The following PHC2 variants were observed in gnomAD, a reference collection of about 807,000 sequenced individuals.
The protein encoded by PHC2 is polyhomeotic homolog 2.
PHC2 carries 29 observed loss-of-function variants against 87.4 expected under a neutral mutation model. The ratio of observed to expected loss-of-function variants is 0.33; its 90% CI spans 0.25 to 0.45. PHC2 has a LOEUF of 0.45. Among genes scored for constraint, PHC2 ranks in the 20% least tolerant of loss-of-function variants. The probability of loss-of-function intolerance (pLI) is 1.00; values close to 1 mark genes in which losing one functional copy is unlikely to be tolerated. For synonymous variants in PHC2, 438 were observed against 461.7 expected (o/e 0.95, Z 0.66); for missense variants, 857 against 1,136.7 (o/e 0.75, Z 3.54).
chr1:33,422,941 CTTATTATGTACCTCACATTA>C (rs1162891693), intron 1 of PHC2, among the ~76,000 whole-genome samples: 1 of 151,976 alleles, frequency 6.6e-6, no homozygotes, highest in East Asian at 1.9e-4. Context: ...CTACACAATT[CTTATTATGTACCTCACATTA>C]TTAACCTGTT....
Position 33,370,564 on chromosome 1 carries a change from C to A in PHC2, c.433G>T (p.Ala145Ser). ...SSSINLAASPAAAQLLNRAQS... is the reference protein window; with the variant it reads ...SSSINLAASPSAAQLLNRAQS... Reference sequence around the variant, plus strand: ...GCCCGGTTGAGGAGCTGGGCTGCTGCTGGGGAGGCTGCCAGGTTGATCTAA... The same window carrying A: ...GCCCGGTTGAGGAGCTGGGCTGCTGATGGGGAGGCTGCCAGGTTGATCTAA... The change falls in exon 5 of 15, where the codon GCA becomes TCA. Residue 145 changes from alanine (A) to serine (S), a missense_variant. By Grantham distance (99) the Ala-to-Ser change is moderately conservative. Around this residue, in one of 3 missense-constraint regions of PHC2, gnomAD observed 832 missense variants for 1,081.8 expected, o/e 0.77. Coordinates refer to ENST00000683057, the MANE Select transcript of PHC2 (RefSeq NM_001385109.1). The A allele has an allele frequency of 6.2e-7, 1 of 1,613,178 alleles. No homozygotes were observed. The highest frequency in any genetic ancestry group is 8.5e-7 in the Non-Finnish European group (1 of 1,179,314).
chr1:33,392,185 A>ACACATG (rs1390301126), intron 1 of PHC2, among the ~76,000 whole-genome samples: 1 of 151,976 alleles, frequency 6.6e-6, no homozygotes, highest in Non-Finnish European at 1.5e-5. Context: ...ACACACACAC[A>ACACATG]CACATGCACA....
At chr1:33,385,167 A>G (rs1648677326) in intron 1 of PHC2, among the ~76,000 whole-genome samples, 1 of 152,208 alleles carries the variant, frequency 6.6e-6, no homozygotes, top group African/African-American at 2.4e-5. Flanking sequence ...AAGCAGATGT[A>G]GAAGGTCCTG....
intron 1 of PHC2, among the ~76,000 whole-genome samples, chr1:33,413,503 G>A (rs1166339621): frequency 6.6e-6 from 1 of 152,204 alleles, no homozygotes; most frequent in African/African-American, 2.4e-5. Context: ...AGGCAAAGTG[G>A]CTGGTGCAGG....
chr1:33,348,130 G>C (rs1436128675), intron 9 of PHC2, among the ~76,000 whole-genome samples: 2 of 152,174 alleles, frequency 1.3e-5, no homozygotes, highest in Non-Finnish European at 2.9e-5. Flanking sequence ...TAAGGTTCAA[G>C]ACAGCCTCTT....
intron 9 of PHC2, among the ~76,000 whole-genome samples, chr1:33,338,720 T>C (rs1415517018): frequency 1.3e-5 from 2 of 152,228 alleles, no homozygotes; most frequent in Non-Finnish European, 2.9e-5. Context: ...GGTTCCTTAC[T>C]CAATTCCCTT....
At chr1:33,389,123 G>A (rs906899786) in intron 1 of PHC2, among the ~76,000 whole-genome samples, 5 of 151,788 alleles carry the variant, frequency 3.3e-5, no homozygotes, top group Non-Finnish European at 7.4e-5. Flanking sequence ...GTTGGAAGAA[G>A]TGACAACCAG....
intron 1 of PHC2, among the ~76,000 whole-genome samples, chr1:33,426,060 C>T (rs1421391922): frequency 6.6e-6 from 1 of 152,086 alleles, no homozygotes; most frequent in Non-Finnish European, 1.5e-5. Flanking sequence ...TCAGAGAGAC[C>T]AGAAGTGAGA....
chr1:33,396,282 T>C (rs939746698), intron 1 of PHC2, among the ~76,000 whole-genome samples: 1 of 152,038 alleles, frequency 6.6e-6, no homozygotes, highest in Non-Finnish European at 1.5e-5. Context: ...GATCAGGTAT[T>C]TGGAGAGGGA....
At chr1:33,387,160 T>G (rs1035536211) in intron 1 of PHC2, among the ~76,000 whole-genome samples, 1 of 152,220 alleles carries the variant, frequency 6.6e-6, no homozygotes, top group Non-Finnish European at 1.5e-5. Flanking sequence ...ATCTTAGGCC[T>G]ACCAGTGGCC....
In PHC2 at chr1:33,376,195, C is replaced by T. The variant is rs182877199; in HGVS notation, c.-54-602G>A. 3.2e-3 allele frequency among the ~76,000 whole-genome samples: 480 copies of T among 152,324 alleles called. 1 individual carries two copies. The highest frequency in any genetic ancestry group is 0.011 in the African/African-American group (450 of 41,568). Reference sequence around the variant, plus strand: ...GATTACAGGCGACCACCACCACACCCAGCTAATTTTTGTATTTTTAGTAGA... The same window carrying T: ...GATTACAGGCGACCACCACCACACCTAGCTAATTTTTGTATTTTTAGTAGA... On this transcript the variant is annotated intron_variant, in intron 1 of 14. Coordinates refer to ENST00000683057, the MANE Select transcript of PHC2 (RefSeq NM_001385109.1).
chr1:33,421,413 G>A (rs1650430754), intron 1 of PHC2, among the ~76,000 whole-genome samples: 1 of 152,174 alleles, frequency 6.6e-6, no homozygotes, highest in Admixed American at 6.5e-5. Context: ...AGAAGTCTAA[G>A]TAAAGGGATG....
chr1:33,330,033 CTGTGGGGAT>C, intron 13 of PHC2, 29 bp downstream of exon 13: 5 of 1,607,226 alleles, frequency 3.1e-6, no homozygotes, highest in Non-Finnish European at 4.2e-6. Context: ...GCTGTGGGGA[CTGTGGGGAT>C]GGAGCTTCAG....
chr1:33,414,557 G>A (rs1406826169), intron 1 of PHC2, among the ~76,000 whole-genome samples: 1 of 152,204 alleles, frequency 6.6e-6, no homozygotes, highest in African/African-American at 2.4e-5. Flanking sequence ...AGGGTTTATA[G>A]CCAAGATTCA....
rs945558913 is a variant in PHC2, at chr1:33,346,129, AAG to A, written c.1558+8270_1558+8271del. 5.1e-6 allele frequency: 5 copies of A among 985,362 alleles called. No homozygotes were observed. In the East Asian group the frequency reaches 3.4e-4, roughly 67 times the overall value. 61.0% of individuals were successfully genotyped at this position (985,362 alleles called of 1,614,324 possible). A position where few individuals can be genotyped will look rare whatever the true frequency, so the allele number is the denominator to read the frequency against. On this transcript the variant is annotated intron_variant, in intron 9 of 14. Transcript: ENST00000683057. ...CATGAAACAAGGTGTTAAGTCCCCA[AAG>A]AGAGAGCCATTTCTGTCATTGGCAC...
rs1646520902 is a variant in PHC2 at position 33,332,416 on chromosome 1, G to GT, written c.1762-13dup. ...GACGAGCGTCCCACCTAGAGGACAGGTAACACGGAGGCCGTGAGGGTCAGG... is the reference window on the plus strand; with the variant it reads ...GACGAGCGTCCCACCTAGAGGACAGGTTAACACGGAGGCCGTGAGGGTCAGG... On this transcript the variant is annotated splice_polypyrimidine_tract_variant and intron_variant, in intron 10 of 14. Coordinates refer to ENST00000683057, the MANE Select transcript of PHC2 (RefSeq NM_001385109.1). The surrounding 1 kb of genome is among the most constrained non-coding windows in gnomAD (Gnocchi z 4.2). 6.2e-7 allele frequency: 1 copy of GT among 1,614,006 alleles called. No individual in the cohort carries two copies. The highest frequency in any genetic ancestry group is 8.5e-7 in the Non-Finnish European group (1 of 1,180,004).
intron 14 of PHC2, chr1:33,325,261 A>C: frequency 2.1e-6 from 1 of 481,322 alleles, no homozygotes; most frequent in Admixed American, 3.6e-5. Flanking sequence ...CCCCTGCTCC[A>C]TGAACTGGGC....
chr1:33,412,877 A>T (rs1650038780), intron 1 of PHC2, among the ~76,000 whole-genome samples: 1 of 152,254 alleles, frequency 6.6e-6, no homozygotes. Flanking sequence ...AAGCCAAAGT[A>T]AAGGCTGGCA....
At chr1:33,405,545 A>G (rs1008868112) in intron 1 of PHC2, among the ~76,000 whole-genome samples, 21 of 152,032 alleles carry the variant, frequency 1.4e-4, no homozygotes, top group Non-Finnish European at 2.4e-4. Context: ...TATCCTCTCT[A>G]TAAGTGTTTT....
Sources: allele counts gnomAD v4.1 joint callset (sites outside exome capture counted in the v4.1 genomes callset), GRCh38; gene constraint gnomAD v4.1.1; regional missense constraint gnomAD v4.1.1; non-coding constraint Gnocchi (gnomAD v3.1); transcripts MANE v1.5; gene names NCBI Gene and HGNC (gene_info 2026-07-23, HGNC 2026-07-21).